The following NRXN1 variants were observed in gnomAD, a reference collection of about 807,000 sequenced individuals.
The protein encoded by NRXN1 is neurexin 1.
Under a neutral mutation model 150.9 loss-of-function variants are expected in NRXN1, and 39 were observed. The ratio of observed to expected loss-of-function variants is 0.26; its 90% confidence interval spans 0.20 to 0.34. The LOEUF (loss-of-function observed/expected upper bound fraction) is 0.34. Among genes scored for constraint, NRXN1 ranks in the 10% least tolerant of loss-of-function variants. The pLI is 1.00. For synonymous variants in NRXN1, 924 were observed against 757.0 expected (o/e 1.22, Z -3.62); for missense variants, 1,815 against 1,949.9 (o/e 0.93, Z 1.30).
Position 50,281,632 on chromosome 2 carries a change from T to G in NRXN1, c.3365-44662A>C, listed in dbSNP as rs183755397. ...CTGGTCCCTGCACTAAGGAAGGAAGTGAGGAGGTCCCCTTCCACAAACCAA... is the reference window on the plus strand; with the variant it reads ...CTGGTCCCTGCACTAAGGAAGGAAGGGAGGAGGTCCCCTTCCACAAACCAA... On this transcript the variant is annotated intron_variant, in intron 17 of 22. Coordinates refer to ENST00000401669, the MANE Select transcript of NRXN1 (RefSeq NM_001330078.2). Among the ~76,000 whole-genome samples, 170 of 152,226 alleles carry G rather than the reference T, an allele frequency of 1.1e-3. 1 individual carries two copies. Among genetic ancestry groups the G allele is most frequent in the Admixed American group, 7.4e-3 (113 of 15,278 alleles).
chr2:50,260,119 C>G (rs1008632364), intron 17 of NRXN1, among the ~76,000 whole-genome samples: 1 of 151,840 alleles, frequency 6.6e-6, no homozygotes, highest in African/African-American at 2.4e-5. Context: ...ACAAACAACT[C>G]TAGTTAGACA....
At chr2:50,198,261 A>C (rs2061904294) in intron 18 of NRXN1, among the ~76,000 whole-genome samples, 1 of 152,142 alleles carries the variant, frequency 6.6e-6, no homozygotes, top group Non-Finnish European at 1.5e-5. Flanking sequence ...AAAAGAAAAA[A>C]ACATTTAGAT....
At chr2:50,602,602 CCTTT>C (rs940126749) in intron 8 of NRXN1, among the ~76,000 whole-genome samples, 2 of 152,256 alleles carry the variant, frequency 1.3e-5, no homozygotes, top group South Asian at 2.1e-4. Context: ...TTCCTTCCTT[CCTTT>C]TTCTCTCCCT....
At chr2:50,282,406 G>T (rs189283442) in intron 17 of NRXN1, among the ~76,000 whole-genome samples, 5 of 152,132 alleles carry the variant, frequency 3.3e-5, no homozygotes, top group Admixed American at 3.3e-4. Flanking sequence ...GAATTGTGCA[G>T]GTCCACTTAA....
chr2:50,839,095 A>G (rs1672504164), intron 5 of NRXN1, among the ~76,000 whole-genome samples: 1 of 152,178 alleles, frequency 6.6e-6, no homozygotes, highest in Non-Finnish European at 1.5e-5. Flanking sequence ...AAATTTTAAA[A>G]AAGTTCATCA....
At chr2:50,277,505 TC>T (rs2070710003) in intron 17 of NRXN1, among the ~76,000 whole-genome samples, 1 of 100,982 alleles carries the variant, frequency 9.9e-6, no homozygotes, top group Non-Finnish European at 2.1e-5. Context: ...TCTTTTTCCT[TC>T]CTTCCTTCCT....
intron 17 of NRXN1, among the ~76,000 whole-genome samples, chr2:50,272,030 A>T (rs1363231700): frequency 1.3e-5 from 2 of 152,080 alleles, no homozygotes; most frequent in Non-Finnish European, 2.9e-5. Context: ...CTTAATATTT[A>T]TTTACAGAAC....
chr2:50,292,344 A>G (rs2152945266), intron 17 of NRXN1, among the ~76,000 whole-genome samples: 1 of 152,274 alleles, frequency 6.6e-6, no homozygotes, highest in South Asian at 2.1e-4. Context: ...AGGGGTTATG[A>G]CAGAGACTTA....
intron 18 of NRXN1, among the ~76,000 whole-genome samples, chr2:50,214,841 T>C (rs943799742): frequency 1.3e-5 from 2 of 152,022 alleles, no homozygotes; most frequent in African/African-American, 2.4e-5. Flanking sequence ...ATTCACATCC[T>C]GTTTCATTCG....
chr2:50,684,130 C>G (rs1166119683), intron 5 of NRXN1, among the ~76,000 whole-genome samples: 1 of 152,132 alleles, frequency 6.6e-6, no homozygotes, highest in East Asian at 1.9e-4. Context: ...TAGATTAACA[C>G]TGATGGCTAA....
chr2:50,415,715 T>A (rs1199370553), intron 17 of NRXN1, among the ~76,000 whole-genome samples: 2 of 152,010 alleles, frequency 1.3e-5, no homozygotes, highest in Non-Finnish European at 2.9e-5. Context: ...TAACCACACA[T>A]CATCATAAAT....
At chr2:50,835,335 A>G (rs777179371) in intron 5 of NRXN1, among the ~76,000 whole-genome samples, 1 of 152,210 alleles carries the variant, frequency 6.6e-6, no homozygotes, top group Non-Finnish European at 1.5e-5. Context: ...CTACTAAAGA[A>G]AATTATCTTT....
intron 5 of NRXN1, among the ~76,000 whole-genome samples, chr2:50,845,730 G>C (rs1434299204): frequency 1.3e-5 from 2 of 152,066 alleles, no homozygotes; most frequent in African/African-American, 4.8e-5. Flanking sequence ...TGAAATATGT[G>C]TTTAAAAATT....
intron 21 of NRXN1, among the ~76,000 whole-genome samples, chr2:50,033,940 C>T (rs557989558): frequency 6.6e-6 from 1 of 151,332 alleles, no homozygotes; most frequent in South Asian, 2.1e-4. Context: ...CCATCTCACA[C>T]CAGCCAGAAT....
At chr2:50,041,833 G>A (rs906067126) in intron 21 of NRXN1, among the ~76,000 whole-genome samples, 5 of 152,184 alleles carry the variant, frequency 3.3e-5, no homozygotes, top group South Asian at 4.1e-4. Context: ...ACCTTGGTAC[G>A]GCACTATAAC....
intron 8 of NRXN1, among the ~76,000 whole-genome samples, chr2:50,579,096 T>C (rs1355565004): frequency 6.6e-6 from 1 of 152,170 alleles, no homozygotes; most frequent in Non-Finnish European, 1.5e-5. Context: ...AGTCATATGA[T>C]CCTAATCTTA....
intron 5 of NRXN1, among the ~76,000 whole-genome samples, chr2:50,782,559 C>T (rs764605392): frequency 2.6e-5 from 4 of 152,118 alleles, no homozygotes; most frequent in Non-Finnish European, 5.9e-5. Context: ...TATTTCTATA[C>T]TTTTGTATAG....
At chr2:50,433,048 G>T (rs916689147) in intron 17 of NRXN1, among the ~76,000 whole-genome samples, 1 of 152,116 alleles carries the variant, frequency 6.6e-6, no homozygotes, top group African/African-American at 2.4e-5. Flanking sequence ...AATAAAAAAT[G>T]ATACATAGAA....
intron 17 of NRXN1, among the ~76,000 whole-genome samples, chr2:50,418,954 A>G (rs2083761547): frequency 6.6e-6 from 1 of 152,048 alleles, no homozygotes; most frequent in African/African-American, 2.4e-5. Flanking sequence ...TATCATTTAA[A>G]TCATATTTTT....
Sources: gnomAD v4.1 joint callset for allele counts (sites outside exome capture counted in the v4.1 genomes callset) on GRCh38, gnomAD v4.1.1 for gene constraint, MANE v1.5 for transcripts, NCBI Gene and HGNC (gene_info 2026-07-23, HGNC 2026-07-21) for gene names.